Variants in ST8SIA1 observed in about 807,000 individuals in gnomAD.
ST8SIA1 encodes ST8 alpha-N-acetyl-neuraminide alpha-2,8-sialyltransferase 1, also known as alpha-N-acetylneuraminide alpha-2,8-sialyltransferase.
Under a neutral mutation model 35.9 loss-of-function variants are expected in ST8SIA1, and 16 were observed. The observed-to-expected ratio is 0.45, with a 90% CI of 0.30 to 0.68. ST8SIA1 has a LOEUF of 0.68. Among genes scored for constraint, ST8SIA1 ranks in the 30% least tolerant of loss-of-function variants. The probability of loss-of-function intolerance (pLI) is 0.09; values close to 1 mark genes in which losing one functional copy is unlikely to be tolerated. For missense variants in ST8SIA1, 383 were observed against 453.6 expected (o/e 0.84, Z 1.41); for synonymous variants, 170 against 169.6 (o/e 1.00, Z -0.02).
intron 2 of ST8SIA1, among the ~76,000 whole-genome samples, chr12:22,263,371 G>A (rs1295136765): frequency 6.6e-6 from 1 of 151,960 alleles, no homozygotes; most frequent in East Asian, 1.9e-4. Context: ...TCTTCTCCTG[G>A]CTCCCTTCTG....
intron 4 of ST8SIA1, among the ~76,000 whole-genome samples, chr12:22,237,403 C>A (rs1051907984): frequency 4.6e-5 from 7 of 152,198 alleles, no homozygotes; most frequent in Non-Finnish European, 8.8e-5. Context: ...TGTGCCCAGC[C>A]AAGGTCTGCT....
chr12:22,287,337 T>A (rs759042742), intron 1 of ST8SIA1, 44 bp from the exon 2 acceptor site: 8 of 1,587,666 alleles, frequency 5.0e-6, no homozygotes, highest in Non-Finnish European at 6.9e-6. Context: ...GCAGGTTAAA[T>A]GAGGAGCAGA....
chr12:22,316,035 C>A (rs974014704), intron 1 of ST8SIA1, among the ~76,000 whole-genome samples: 2 of 151,900 alleles, frequency 1.3e-5, no homozygotes, highest in East Asian at 3.8e-4. Flanking sequence ...AAACTAAATA[C>A]TCTGTTTAGG....
At chr12:22,296,227 A>G (rs1203805693) in intron 1 of ST8SIA1, among the ~76,000 whole-genome samples, 1 of 152,180 alleles carries the variant, frequency 6.6e-6, no homozygotes, top group Non-Finnish European at 1.5e-5. Flanking sequence ...AGGCTCACAC[A>G]GGGTTGGGTG....
At chr12:22,300,468 G>A (rs1292341654) in intron 1 of ST8SIA1, among the ~76,000 whole-genome samples, 2 of 152,082 alleles carry the variant, frequency 1.3e-5, no homozygotes, top group African/African-American at 4.8e-5. Context: ...AGATTAGCAA[G>A]GTTTTCTTGA....
chr12:22,236,567 A>G (rs538565555), intron 4 of ST8SIA1, among the ~76,000 whole-genome samples: 2 of 152,316 alleles, frequency 1.3e-5, no homozygotes, highest in East Asian at 3.9e-4. Context: ...GCCCAGTGGC[A>G]TATCGGCATA....
In ST8SIA1 at chr12:22,257,140, C is replaced by G. The variant is rs547998571; in HGVS notation, c.382-1751G>C. ...ATGAGCAGTGGGTCAGATGGTGACA[C>G]GAGCTTTGGAAAGAAAGAAAGCATT... is the stretch of plus-strand genomic sequence containing the variant. On this transcript the variant is annotated intron_variant, in intron 2 of 4. Coordinates refer to ENST00000396037, the MANE Select transcript of ST8SIA1 (RefSeq NM_003034.4). Among the ~76,000 whole-genome samples the G allele has an allele frequency of 6.3e-4, 96 of 152,060 alleles. 1 individual carries two copies. The highest frequency in any genetic ancestry group is 1.3e-3 in the Non-Finnish European group (87 of 67,970).
chr12:22,313,771 A>G (rs2135834745), intron 1 of ST8SIA1, among the ~76,000 whole-genome samples: 1 of 152,326 alleles, frequency 6.6e-6, no homozygotes, highest in Admixed American at 6.5e-5. Context: ...AGCCATGAGC[A>G]TGTGTTGCCA....
chr12:22,247,484 TTTC>T (rs1365141974), intron 4 of ST8SIA1, among the ~76,000 whole-genome samples: 2 of 152,158 alleles, frequency 1.3e-5, no homozygotes, highest in Admixed American at 6.5e-5. Context: ...TGTTCTCTTA[TTTC>T]TTCTTTGTAC....
rs1866819869 is a variant in ST8SIA1, at chr12:22,334,410, T to G, written c.-178A>C. On this transcript the variant is annotated 5_prime_UTR_variant, in exon 1 of 5. Coordinates refer to ENST00000396037, the MANE Select transcript of ST8SIA1 (RefSeq NM_003034.4). Reference sequence around the variant, plus strand: ...CCCCAAAGGTCAGCGCAAGGATTTTTTCAAATGCAACTTTTCCAAGGATTT... The same window carrying G: ...CCCCAAAGGTCAGCGCAAGGATTTTGTCAAATGCAACTTTTCCAAGGATTT... The G allele has an allele frequency of 1.7e-6, 1 of 600,976 alleles. No individual in the cohort carries two copies. Among genetic ancestry groups the G allele is most frequent in the Admixed American group, 3.0e-5 (1 of 33,804 alleles). The allele number at this position is 600,976 out of a possible 1,614,324, so 37.2% of individuals were successfully genotyped here. A position where few individuals can be genotyped will look rare whatever the true frequency, so the allele number is the denominator to read the frequency against.
chr12:22,283,324 T>A (rs1300192775), intron 2 of ST8SIA1, among the ~76,000 whole-genome samples: 1 of 152,202 alleles, frequency 6.6e-6, no homozygotes, highest in East Asian at 1.9e-4. Context: ...GTTTCTAACA[T>A]TCCTGCTACT....
intron 4 of ST8SIA1, among the ~76,000 whole-genome samples, chr12:22,239,720 T>A (rs772812287): frequency 6.6e-6 from 1 of 152,258 alleles, no homozygotes; most frequent in Non-Finnish European, 1.5e-5. Context: ...TGTTTGCTTA[T>A]GAGCTATCAT....
chr12:22,257,141 G>A lies in ST8SIA1; in HGVS notation c.382-1752C>T, dbSNP rs185591787. Among the ~76,000 whole-genome samples, 5 of 152,210 alleles carry A rather than the reference G, an allele frequency of 3.3e-5. No homozygotes were observed. The East Asian group carries it at 5.8e-4, about 18-fold the overall frequency. On this transcript the variant is annotated intron_variant, in intron 2 of 4. Transcript: ENST00000396037. ...TGAGCAGTGGGTCAGATGGTGACAC[G>A]AGCTTTGGAAAGAAAGAAAGCATTG... is the stretch of plus-strand genomic sequence containing the variant.
intron 4 of ST8SIA1, among the ~76,000 whole-genome samples, chr12:22,213,305 A>G (rs558592171): frequency 6.6e-6 from 1 of 152,328 alleles, no homozygotes; most frequent in East Asian, 1.9e-4. Context: ...TTTCTCTACT[A>G]TAATACCTGA....
intron 1 of ST8SIA1, among the ~76,000 whole-genome samples, chr12:22,321,768 T>C (rs1230660373): frequency 6.6e-6 from 1 of 152,146 alleles, no homozygotes; most frequent in African/African-American, 2.4e-5. Context: ...AGTGACTGTG[T>C]TTTTACCCCA....
chr12:22,312,969 AT>A (rs1184901303), intron 1 of ST8SIA1, among the ~76,000 whole-genome samples: 2 of 152,162 alleles, frequency 1.3e-5, no homozygotes. Flanking sequence ...TTATGCCATA[AT>A]TTTGGAATAA....
chr12:22,212,749 G>T (rs1283458526), intron 4 of ST8SIA1, among the ~76,000 whole-genome samples: 1 of 152,238 alleles, frequency 6.6e-6, no homozygotes, highest in Non-Finnish European at 1.5e-5. Flanking sequence ...GATGATAATA[G>T]TCCCTTTCCC....
At chr12:22,277,501 G>C (rs904822968) in intron 2 of ST8SIA1, among the ~76,000 whole-genome samples, 4 of 151,558 alleles carry the variant, frequency 2.6e-5, no homozygotes, top group Admixed American at 2.6e-4. Context: ...TGAATAGCAG[G>C]GATTACAGGT....
chr12:22,274,693 G>A (rs1183352872), intron 2 of ST8SIA1, among the ~76,000 whole-genome samples: 2 of 152,290 alleles, frequency 1.3e-5, no homozygotes, highest in South Asian at 2.1e-4. Flanking sequence ...CACACGCCAC[G>A]CTCTATCGTG....
Sources: gnomAD v4.1 joint callset for allele counts (sites outside exome capture counted in the v4.1 genomes callset) on GRCh38, gnomAD v4.1.1 for gene constraint, MANE v1.5 for transcripts, NCBI Gene and HGNC (gene_info 2026-07-23, HGNC 2026-07-21) for gene names.